ZNF490: variants seen among roughly 807,000 people sequenced by gnomAD.
ZNF490 encodes the protein zinc finger protein 490.
A neutral mutation model predicts 17.7 loss-of-function variants in ZNF490; 11 were observed. That is an observed-to-expected ratio of 0.62 (90% CI 0.39 to 1.03). ZNF490 has a LOEUF of 1.03. Ranked by LOEUF, ZNF490 falls within the 50% of genes least tolerant of loss-of-function variation. The probability of loss-of-function intolerance (pLI) is 0.00; values close to 1 mark genes in which losing one functional copy is unlikely to be tolerated. For synonymous variants in ZNF490, 222 were observed against 216.1 expected (o/e 1.03, Z -0.24); for missense variants, 542 against 643.4 (o/e 0.84, Z 1.71).
Position 12,610,793 on chromosome 19 carries a change from C to T in ZNF490, c.-113G>A. 1 of 1,119,972 alleles carries T rather than the reference C, an allele frequency of 8.9e-7. No homozygotes were observed. The highest frequency in any genetic ancestry group is 1.3e-6 in the Non-Finnish European group (1 of 752,292). 69.4% of individuals were successfully genotyped at this position (1,119,972 alleles called of 1,614,324 possible). ...ACGGAGGGCACCAGTTCCGTCCCAC[C>T]GGCGGAAGCGAGATCTGCCTAGCTA... is the stretch of plus-strand genomic sequence containing the variant. On this transcript the variant is annotated 5_prime_UTR_variant, in exon 1 of 5. Coordinates refer to ENST00000311437, the MANE Select transcript of ZNF490 (RefSeq NM_020714.3).
chr19:12,600,101 G>A (rs920020696), intron 2 of ZNF490, among the ~76,000 whole-genome samples: 1 of 152,116 alleles, frequency 6.6e-6, no homozygotes, highest in Non-Finnish European at 1.5e-5. Context: ...CGTGGCTCAC[G>A]CCTGTAATCC....
rs374080295 is a variant in ZNF490 at position 12,576,581 on chromosome 19, C to T, written c.*3904G>A. On this transcript the variant is annotated 3_prime_UTR_variant, in exon 5 of 5. Transcript: ENST00000311437. ...TGTAATCCCAGCACTTTGGGGAGAC[C>T]GAGGTGGGTGGATCACAAGGTCAGG... Among the ~76,000 whole-genome samples, 2 of 151,564 alleles carry T rather than the reference C, an allele frequency of 1.3e-5. No homozygotes were observed. Among genetic ancestry groups the T allele is most frequent in the African/African-American group, 4.8e-5 (2 of 41,240 alleles).
chr19:12,583,756 GCTCTCTCT>G (rs1195574032), intron 2 of ZNF490, among the ~76,000 whole-genome samples, 200 bp from the exon 3 acceptor site: 491 of 29,016 alleles, frequency 0.017, 3 homozygotes, highest in African/African-American at 0.051. Flanking sequence ...AAATTATTGC[GCTCTCTCT>G]CTCTCTCTCT....
At chr19:12,589,066 A>G (rs932461471) in intron 2 of ZNF490, among the ~76,000 whole-genome samples, 1 of 152,226 alleles carries the variant, frequency 6.6e-6, no homozygotes, top group Non-Finnish European at 1.5e-5. Context: ...TCACGCCTGT[A>G]ATCCCAGCGC....
At chr19:12,591,480 A>G (rs1359781049) in intron 2 of ZNF490, among the ~76,000 whole-genome samples, 1 of 152,078 alleles carries the variant, frequency 6.6e-6, no homozygotes, top group African/African-American at 2.4e-5. Flanking sequence ...TTTGCAAAAC[A>G]CCTATCTGAC....
intron 2 of ZNF490, among the ~76,000 whole-genome samples, chr19:12,595,763 A>G (rs2145155226): frequency 6.6e-6 from 1 of 152,050 alleles, no homozygotes; most frequent in Non-Finnish European, 1.5e-5. Flanking sequence ...CAGCCTGGCC[A>G]ACCTGGCGAA....
At chr19:12,590,390 T>C (rs2022855600) in intron 2 of ZNF490, among the ~76,000 whole-genome samples, 1 of 151,808 alleles carries the variant, frequency 6.6e-6, no homozygotes, top group African/African-American at 2.4e-5. Flanking sequence ...CTAATTTGTA[T>C]ATTTTTAGTA....
In ZNF490 at chr19:12,578,516, G is replaced by A. The variant is rs892161071; in HGVS notation, c.*1969C>T. 5.2e-5 allele frequency: 51 copies of A among 985,440 alleles called. No homozygotes were observed. The highest frequency in any genetic ancestry group is 5.2e-4 in the Middle Eastern group (1 of 1,914). The allele number at this position is 985,440 out of a possible 1,614,324, so 61.0% of individuals were successfully genotyped here. A position where few individuals can be genotyped will look rare whatever the true frequency, so the allele number is the denominator to read the frequency against. ...GTTTAAACAAGTGTCCAAAGTGTAGGTTTGAGATGGGAAATGGAGCTGGAG... is the reference window on the plus strand; with the variant it reads ...GTTTAAACAAGTGTCCAAAGTGTAGATTTGAGATGGGAAATGGAGCTGGAG... On this transcript the variant is annotated 3_prime_UTR_variant, in exon 5 of 5. Coordinates refer to ENST00000311437, the MANE Select transcript of ZNF490 (RefSeq NM_020714.3).
chr19:12,598,096 C>T (rs914371154), intron 2 of ZNF490, among the ~76,000 whole-genome samples: 3 of 151,676 alleles, frequency 2.0e-5, no homozygotes, highest in African/African-American at 4.8e-5. Flanking sequence ...TGGTGGCACG[C>T]GCCTGTAATC....
At chr19:12,597,132 C>T (rs1367483633) in intron 2 of ZNF490, 1 of 462,312 alleles carries the variant, frequency 2.2e-6, no homozygotes, top group South Asian at 1.5e-5. Flanking sequence ...TCGGGACTCC[C>T]GGCCCCGCAC....
chr19:12,600,791 T>C (rs1049027949), intron 2 of ZNF490, among the ~76,000 whole-genome samples: 4 of 152,272 alleles, frequency 2.6e-5, no homozygotes, highest in Admixed American at 2.6e-4. Flanking sequence ...TAGATAACTT[T>C]GGAGATTGTG....
At position 12,580,636 on chromosome 19, in the gene ZNF490, C is replaced by T; in HGVS notation, c.1439G>A (p.Gly480Asp). ...GVKPCECKQC[G>D]KAFTCLNSLK... ...GGAATTTAAACAAGTGAAAGCTTTG[C>T]CACACTGCTTACACTCACATGGTTT... The change falls in exon 5 of 5, where the codon GGC becomes GAC. Residue 480 changes from glycine to aspartate, a missense_variant. Coordinates refer to ENST00000311437, the MANE Select transcript of ZNF490 (RefSeq NM_020714.3). 3 of 1,614,198 alleles carry T rather than the reference C, an allele frequency of 1.9e-6. No homozygotes were observed. Among genetic ancestry groups the T allele is most frequent in the African/African-American group, 1.3e-5 (1 of 75,042 alleles).
At position 12,577,995 on chromosome 19, in the gene ZNF490, T is replaced by C. The variant is rs1405774740; in HGVS notation, c.*2490A>G. 1.6e-5 allele frequency: 16 copies of C among 985,352 alleles called. No homozygotes were observed. The highest frequency in any genetic ancestry group is 1.9e-5 in the Non-Finnish European group (16 of 829,974). The allele number at this position is 985,352 out of a possible 1,614,324, so 61.0% of individuals were successfully genotyped here. ...CAGTTTATTGGGAGTTGAGTTCACC[T>C]TGCCTTGTGATGTGAAGCAAGGTAG... is the stretch of plus-strand genomic sequence containing the variant. On this transcript the variant is annotated 3_prime_UTR_variant, in exon 5 of 5. Transcript: ENST00000311437.
Position 12,584,313 on chromosome 19 carries a change from C to T in ZNF490, c.163-757G>A, listed in dbSNP as rs1393854799. On this transcript the variant is annotated intron_variant, in intron 2 of 4. Coordinates refer to ENST00000311437, the MANE Select transcript of ZNF490 (RefSeq NM_020714.3). ...CTGGGACTACAGGCGCGTGCCACCA[C>T]GCCCAGCTAATTTTTTGTATTTTTA... 3.3e-5 allele frequency among the ~76,000 whole-genome samples: 3 copies of T among 89,554 alleles called. 1 individual carries two copies. The highest frequency in any genetic ancestry group is 2.1e-4 in the East Asian group (1 of 4,742). 58.8% of individuals were successfully genotyped at this position (89,554 alleles called of 152,430 possible). A position where few individuals can be genotyped will look rare whatever the true frequency, so the allele number is the denominator to read the frequency against.
intron 1 of ZNF490, chr19:12,609,798 C>A: frequency 5.7e-6 from 2 of 349,310 alleles, no homozygotes; most frequent in Non-Finnish European, 5.5e-6. Context: ...CATGGACATA[C>A]AGAATGGAAT....
rs1599302132 is a variant in ZNF490 at position 12,576,784 on chromosome 19, T to C, written c.*3701A>G. Among the ~76,000 whole-genome samples, 1 of 122,344 alleles carries C rather than the reference T, an allele frequency of 8.2e-6. No homozygotes were observed. Among genetic ancestry groups the C allele is most frequent in the African/African-American group, 3.3e-5 (1 of 30,006 alleles). 80.3% of individuals were successfully genotyped at this position (122,344 alleles called of 152,430 possible). On this transcript the variant is annotated 3_prime_UTR_variant, in exon 5 of 5. Coordinates refer to ENST00000311437, the MANE Select transcript of ZNF490 (RefSeq NM_020714.3). ...GTGAGCCAAGATTGTGCCACTGCAC[T>C]CCAGCCTGGCAACAGTGAGAATCCA...
chr19:12,610,771 G>T lies in ZNF490; in HGVS notation c.-91C>A. Reference sequence around the variant, plus strand: ...TTCTGCTTCAACACAATTGTCCACGGAGGGCACCAGTTCCGTCCCACCGGC... The same window carrying T: ...TTCTGCTTCAACACAATTGTCCACGTAGGGCACCAGTTCCGTCCCACCGGC... On this transcript the variant is annotated 5_prime_UTR_variant, in exon 1 of 5. Transcript: ENST00000311437. 1 of 1,311,570 alleles carries T rather than the reference G, an allele frequency of 7.6e-7. No individual in the cohort carries two copies. The allele number at this position is 1,311,570 out of a possible 1,614,324, so 81.2% of individuals were successfully genotyped here.
rs1353742616 is a variant in ZNF490 at position 12,587,623 on chromosome 19, TAATA to T, written c.163-4071_163-4068del. Among the ~76,000 whole-genome samples the T allele has an allele frequency of 7.6e-5, 7 of 92,014 alleles. 3 individuals are homozygous for T. The highest frequency in any genetic ancestry group is 1.2e-4 in the Non-Finnish European group (4 of 34,494). The allele number at this position is 92,014 out of a possible 152,430, so 60.4% of individuals were successfully genotyped here. On this transcript the variant is annotated intron_variant, in intron 2 of 4. Transcript: ENST00000311437. ...CTTAAAGTATAATAATAAAAAGTAA[TAATA>T]AATAAATATATCACAAAGATATATT...
intron 1 of ZNF490, 99 bp downstream of exon 1, chr19:12,610,465 C>T: frequency 3.0e-6 from 3 of 1,004,642 alleles, no homozygotes; most frequent in Non-Finnish European, 4.7e-6. Context: ...TAAAATGCAA[C>T]CACACTTTTT....
Sources: allele counts gnomAD v4.1 joint callset (sites outside exome capture counted in the v4.1 genomes callset), GRCh38; gene constraint gnomAD v4.1.1; transcripts MANE v1.5; gene names NCBI Gene and HGNC (gene_info 2026-07-23, HGNC 2026-07-21).